Variants in SPAG16 observed in about 807,000 individuals in gnomAD.
The protein encoded by SPAG16 is sperm-associated antigen 16 protein.
Under a neutral mutation model 80.4 loss-of-function variants are expected in SPAG16, and 86 were observed. The ratio of observed to expected loss-of-function variants is 1.07; its 90% CI spans 0.90 to 1.28. SPAG16 has a LOEUF of 1.28. Ranked by LOEUF, SPAG16 falls within the 50% of genes most tolerant of loss-of-function variation. The pLI is 0.00. For synonymous variants in SPAG16, 294 were observed against 265.9 expected, an observed-to-expected ratio of 1.11 and a Z score of -1.03; for missense variants, 870 against 765.3, an observed-to-expected ratio of 1.14 and a Z score of -1.61.
intron 11 of SPAG16, among the ~76,000 whole-genome samples, chr2:213,910,220 G>A (rs1028794882): frequency 2.6e-5 from 4 of 152,140 alleles, no homozygotes; most frequent in African/African-American, 4.8e-5. Flanking sequence ...ACAGGTCAAT[G>A]AGACTACAAT....
At chr2:213,345,668 T>G (rs982622665) in intron 6 of SPAG16, among the ~76,000 whole-genome samples, 1 of 142,990 alleles carries the variant, frequency 7.0e-6, no homozygotes, top group African/African-American at 2.6e-5. Flanking sequence ...TTTTGTCAGG[T>G]TTGTCAAAGA....
rs796599907 is a variant in SPAG16, at chr2:214,211,166, C to CA, written c.1720+61909dup. Among the ~76,000 whole-genome samples, 121 of 150,302 alleles carry CA rather than the reference C, an allele frequency of 8.1e-4. 2 individuals are homozygous for CA. The highest frequency in any genetic ancestry group is 2.4e-3 in the African/African-American group (100 of 40,990). On this transcript the variant is annotated intron_variant, in intron 15 of 15. Transcript: ENST00000331683. ...GAAATAATTATTTTTAGTAAAGAGG[C>CA]AAAAAAAAATTCCCTACATTTGAAT...
intron 3 of SPAG16, among the ~76,000 whole-genome samples, chr2:213,307,133 C>G (rs1400911779): frequency 6.6e-6 from 1 of 152,156 alleles, no homozygotes; most frequent in East Asian, 1.9e-4. Context: ...CCTCAACTCA[C>G]CACTATTGTG....
chr2:213,700,218 TAA>T (rs1198236869), intron 10 of SPAG16, among the ~76,000 whole-genome samples: 2 of 141,898 alleles, frequency 1.4e-5, no homozygotes, highest in African/African-American at 2.6e-5. Context: ...TTTTGACTGC[TAA>T]AAAAAAAAAA....
chr2:214,100,751 T>C (rs2052958640), intron 13 of SPAG16, among the ~76,000 whole-genome samples: 3 of 152,166 alleles, frequency 2.0e-5, no homozygotes, highest in Admixed American at 2.0e-4. Flanking sequence ...ATAGTATTCA[T>C]GGTGTATATG....
intron 11 of SPAG16, among the ~76,000 whole-genome samples, chr2:213,868,148 G>C (rs554697788): frequency 8.6e-5 from 13 of 151,914 alleles, no homozygotes; most frequent in African/African-American, 2.9e-4. Context: ...AAATTCAATT[G>C]CTTCAAAATG....
intron 10 of SPAG16, among the ~76,000 whole-genome samples, chr2:213,720,594 C>T (rs898694555): frequency 2.1e-4 from 32 of 150,646 alleles, no homozygotes; most frequent in Admixed American, 1.6e-3. Context: ...GTGGAGATCG[C>T]GCCACTGCAC....
At chr2:213,860,329 A>G (rs572499796) in intron 10 of SPAG16, among the ~76,000 whole-genome samples, 6 of 142,834 alleles carry the variant, frequency 4.2e-5, no homozygotes, top group African/African-American at 1.5e-4. Context: ...ATTACCCACA[A>G]AAGTCATTTA....
At position 214,082,921 on chromosome 2, in the gene SPAG16, ACT is replaced by A. The variant is rs150152189; in HGVS notation, c.1528-25272_1528-25271del. Among the ~76,000 whole-genome samples the A allele has an allele frequency of 8.2e-3, 1,248 of 152,184 alleles. 20 individuals are homozygous for A. The highest frequency in any genetic ancestry group is 0.029 in the African/African-American group (1,188 of 41,520). ...TTACAACTCTTGATAACTTGAAATA[ACT>A]CTACCATTTACCAACATAATCACAA... On this transcript the variant is annotated intron_variant, in intron 13 of 15. Coordinates refer to ENST00000331683, the MANE Select transcript of SPAG16 (RefSeq NM_024532.5).
At chr2:213,503,206 C>G (rs1157966674) in intron 10 of SPAG16, among the ~76,000 whole-genome samples, 1 of 152,138 alleles carries the variant, frequency 6.6e-6, no homozygotes, top group Non-Finnish European at 1.5e-5. Flanking sequence ...GTTGGGGCAG[C>G]TTTGCTCTGA....
chr2:213,819,939 GT>G (rs1559494639), intron 10 of SPAG16, among the ~76,000 whole-genome samples: 3 of 101,292 alleles, frequency 3.0e-5, no homozygotes, highest in Non-Finnish European at 6.9e-5. Flanking sequence ...CTAATTTTTC[GT>G]GTTTTTTTTT....
chr2:213,563,188 A>AT (rs1197963417), intron 10 of SPAG16, among the ~76,000 whole-genome samples: 2 of 152,276 alleles, frequency 1.3e-5, no homozygotes, highest in African/African-American at 4.8e-5. Flanking sequence ...TTGGTTTTAT[A>AT]TTCATAATTA....
chr2:213,609,699 C>G (rs1275611895), intron 10 of SPAG16, among the ~76,000 whole-genome samples: 5 of 152,218 alleles, frequency 3.3e-5, no homozygotes, highest in Non-Finnish European at 7.3e-5. Context: ...TCACTCCAAA[C>G]TGCCACTTTA....
At chr2:214,406,154 G>A (rs142795492) in intron 15 of SPAG16, among the ~76,000 whole-genome samples, 5 of 152,286 alleles carry the variant, frequency 3.3e-5, no homozygotes, top group African/African-American at 9.6e-5. Context: ...ACCTTAAGGA[G>A]AACTTGGCTA....
intron 12 of SPAG16, among the ~76,000 whole-genome samples, chr2:213,976,843 G>T (rs375281684): frequency 3.3e-5 from 5 of 151,718 alleles, no homozygotes; most frequent in Middle Eastern, 6.8e-3. Flanking sequence ...TTGTTTGTTT[G>T]TTTTTTCCTA....
At chr2:214,333,957 T>G (rs1697106809) in intron 15 of SPAG16, among the ~76,000 whole-genome samples, 1 of 152,230 alleles carries the variant, frequency 6.6e-6, no homozygotes, top group South Asian at 2.1e-4. Context: ...ATAATCCTAG[T>G]AGTATATTAT....
intron 10 of SPAG16, among the ~76,000 whole-genome samples, chr2:213,675,682 G>A (rs1300061282): frequency 6.6e-6 from 1 of 152,098 alleles, no homozygotes; most frequent in Non-Finnish European, 1.5e-5. Flanking sequence ...GTTTGTCAAA[G>A]ATCAGATAGT....
intron 10 of SPAG16, among the ~76,000 whole-genome samples, chr2:213,831,415 T>G (rs1184810913): frequency 8.2e-5 from 2 of 24,472 alleles, no homozygotes; most frequent in African/African-American, 1.4e-4. Flanking sequence ...ATTCAGGTGT[T>G]TTTTTTTTTT....
intron 9 of SPAG16, among the ~76,000 whole-genome samples, chr2:213,479,869 T>C (rs766302662): frequency 6.6e-6 from 1 of 152,216 alleles, no homozygotes; most frequent in Admixed American, 6.5e-5. Context: ...GAAAGTTATA[T>C]GTTTATTGAA....
Sources: allele counts gnomAD v4.1 joint callset (sites outside exome capture counted in the v4.1 genomes callset), GRCh38; gene constraint gnomAD v4.1.1; transcripts MANE v1.5; gene names NCBI Gene and HGNC (gene_info 2026-07-23, HGNC 2026-07-21).